The following HCN1 variants were observed in gnomAD, a reference collection of about 807,000 sequenced individuals.
HCN1 encodes the protein potassium/sodium hyperpolarization-activated cyclic nucleotide-gated channel 1.
Under a neutral mutation model 78.9 loss-of-function variants are expected in HCN1, and 13 were observed. That is an observed-to-expected ratio of 0.16 (90% CI 0.11 to 0.26). The LOEUF is 0.26. Among genes scored for constraint, HCN1 ranks in the 10% least tolerant of loss-of-function variants. The pLI, the probability that HCN1 is intolerant of heterozygous loss-of-function variation, is 1.00. For missense variants in HCN1, 810 were observed against 1,154.3 expected (o/e 0.70, Z 4.32); for synonymous variants, 552 against 455.5 (o/e 1.21, Z -2.70).
intron 2 of HCN1, among the ~76,000 whole-genome samples, chr5:45,621,831 T>C (rs961552104): frequency 2.6e-5 from 4 of 152,206 alleles, no homozygotes; most frequent in South Asian, 2.1e-4. Context: ...TTTTAATAAA[T>C]AGTTTAACCT....
At chr5:45,386,905 T>C (rs891513785) in intron 4 of HCN1, among the ~76,000 whole-genome samples, 3 of 152,124 alleles carry the variant, frequency 2.0e-5, no homozygotes, top group African/African-American at 7.2e-5. Flanking sequence ...CTAAAGTAAC[T>C]TTTAAATTTT....
At chr5:45,671,185 T>C (rs187618241) in intron 1 of HCN1, among the ~76,000 whole-genome samples, 2 of 151,652 alleles carry the variant, frequency 1.3e-5, no homozygotes, top group African/African-American at 4.8e-5. Context: ...ATCGATGTTC[T>C]GTCCTGTGTG....
intron 2 of HCN1, among the ~76,000 whole-genome samples, chr5:45,607,754 A>C (rs1003180912): frequency 2.6e-5 from 4 of 151,692 alleles, no homozygotes; most frequent in African/African-American, 9.7e-5. Context: ...CCTTTAATAA[A>C]AATTATTGGC....
intron 3 of HCN1, among the ~76,000 whole-genome samples, chr5:45,423,194 A>C (rs992630878): frequency 1.1e-4 from 17 of 152,158 alleles, no homozygotes; most frequent in South Asian, 8.3e-4. Context: ...ATAAAATTTT[A>C]AAAATTAAAA....
At chr5:45,330,185 T>C (rs940691852) in intron 5 of HCN1, among the ~76,000 whole-genome samples, 2 of 151,374 alleles carry the variant, frequency 1.3e-5, no homozygotes, top group African/African-American at 4.8e-5. Flanking sequence ...TTGATTAGTT[T>C]TCCACTTGTG....
chr5:45,422,507 C>T (rs1344398754), intron 3 of HCN1, among the ~76,000 whole-genome samples: 2 of 152,114 alleles, frequency 1.3e-5, no homozygotes, highest in African/African-American at 4.8e-5. Flanking sequence ...GCCAAACCTC[C>T]AAAAACCATT....
chr5:45,625,723 C>T (rs761919050), intron 2 of HCN1, among the ~76,000 whole-genome samples: 22 of 150,194 alleles, frequency 1.5e-4, no homozygotes, highest in African/African-American at 3.9e-4. Context: ...CAATTCAGTG[C>T]GAATAAAATA....
chr5:45,565,279 G>A (rs1320310086), intron 2 of HCN1, among the ~76,000 whole-genome samples: 1 of 152,124 alleles, frequency 6.6e-6, no homozygotes, highest in African/African-American at 2.4e-5. Context: ...ATGAATGGAG[G>A]AAGTGTCATC....
At chr5:45,683,252 G>A (rs1456680511) in intron 1 of HCN1, among the ~76,000 whole-genome samples, 3 of 151,694 alleles carry the variant, frequency 2.0e-5, no homozygotes, top group Non-Finnish European at 4.4e-5. Flanking sequence ...TTCCAAATTA[G>A]GGTATATAGC....
chr5:45,296,448 T>C (rs1001328142), intron 6 of HCN1, among the ~76,000 whole-genome samples: 5 of 151,996 alleles, frequency 3.3e-5, no homozygotes, highest in Non-Finnish European at 7.4e-5. Flanking sequence ...CAAATTTGTA[T>C]GAGGCAGAAA....
intron 4 of HCN1, among the ~76,000 whole-genome samples, chr5:45,386,055 A>G (rs147273016): frequency 4.9e-4 from 75 of 152,286 alleles, no homozygotes; most frequent in Non-Finnish European, 1.0e-3. Flanking sequence ...ATCTAAATCA[A>G]TTGAAAGCTA....
chr5:45,605,212 A>C (rs1228401823), intron 2 of HCN1, among the ~76,000 whole-genome samples: 1 of 151,936 alleles, frequency 6.6e-6, no homozygotes, highest in East Asian at 1.9e-4. Flanking sequence ...GGGTACCTTT[A>C]TTTGTGAATC....
intron 2 of HCN1, among the ~76,000 whole-genome samples, chr5:45,467,288 G>A (rs1422654582): frequency 6.6e-6 from 1 of 152,022 alleles, no homozygotes; most frequent in Non-Finnish European, 1.5e-5. Context: ...AGGTTCTGAT[G>A]TGAGTGCCCT....
intron 2 of HCN1, among the ~76,000 whole-genome samples, chr5:45,538,764 C>A (rs568421050): frequency 6.6e-6 from 1 of 151,992 alleles, no homozygotes; most frequent in African/African-American, 2.4e-5. Context: ...CACACACACA[C>A]AAATTTAAAA....
chr5:45,367,606 T>C (rs1370066722), intron 4 of HCN1, among the ~76,000 whole-genome samples: 4 of 151,894 alleles, frequency 2.6e-5, no homozygotes, highest in African/African-American at 9.7e-5. Context: ...CTTTCTCAAC[T>C]TGGCTAGTAT....
chr5:45,442,525 TA>T (rs1201833122), intron 3 of HCN1, among the ~76,000 whole-genome samples: 25 of 151,380 alleles, frequency 1.7e-4, no homozygotes, highest in Non-Finnish European at 7.4e-5. Flanking sequence ...TTAAATAATA[TA>T]AAACGTGCAT....
rs554882463 is a variant in HCN1, at chr5:45,525,156, A to C, written c.850-63149T>G. ...TGGTTCTGTTTATATGCTGGATTAC[A>C]TTTATTGATTTGCGTACATTGAACC... On this transcript the variant is annotated intron_variant, in intron 2 of 7. Coordinates refer to ENST00000303230, the MANE Select transcript of HCN1 (RefSeq NM_021072.4). 3.6e-4 allele frequency among the ~76,000 whole-genome samples: 55 copies of C among 152,254 alleles called. 1 individual carries two copies. The highest frequency in any genetic ancestry group is 2.9e-3 in the Admixed American group (45 of 15,272).
chr5:45,679,700 T>C (rs1013794585), intron 1 of HCN1, among the ~76,000 whole-genome samples: 9 of 152,118 alleles, frequency 5.9e-5, no homozygotes, highest in Admixed American at 5.9e-4. Context: ...AATTGTACTT[T>C]CAATACAAAA....
chr5:45,624,114 T>C (rs999098147), intron 2 of HCN1, among the ~76,000 whole-genome samples: 2 of 152,216 alleles, frequency 1.3e-5, no homozygotes, highest in African/African-American at 4.8e-5. Context: ...CCAAGTCAGA[T>C]AATGCAGGAC....
Sources: gnomAD v4.1 joint callset for allele counts (sites outside exome capture counted in the v4.1 genomes callset) on GRCh38, gnomAD v4.1.1 for gene constraint, MANE v1.5 for transcripts, NCBI Gene and HGNC (gene_info 2026-07-23, HGNC 2026-07-21) for gene names.